Variants in TOM1L1 observed in about 807,000 individuals in gnomAD.
The protein encoded by TOM1L1 is TOM1-like protein 1.
A neutral mutation model predicts 63.4 loss-of-function variants in TOM1L1; 64 were observed. That is an observed-to-expected ratio of 1.01 (90% confidence interval 0.83 to 1.24). The LOEUF (loss-of-function observed/expected upper bound fraction) is 1.24. Among genes scored for constraint, TOM1L1 ranks in the 50% most tolerant of loss-of-function variants. The probability of loss-of-function intolerance (pLI) is 0.00; values close to 1 mark genes in which losing one functional copy is unlikely to be tolerated. For missense variants in TOM1L1, 536 were observed against 567.0 expected (o/e 0.95, Z 0.55); for synonymous variants, 166 against 194.4 (o/e 0.85, Z 1.22).
At chr17:54,921,590 T>G (rs1411265330) in intron 7 of TOM1L1, among the ~76,000 whole-genome samples, 1 of 151,888 alleles carries the variant, frequency 6.6e-6, no homozygotes, top group Non-Finnish European at 1.5e-5. Context: ...AATACAAAAT[T>G]AACCGGACAT....
chr17:54,913,401 C>T (rs1294537196), intron 4 of TOM1L1, among the ~76,000 whole-genome samples: 1 of 152,048 alleles, frequency 6.6e-6, no homozygotes, highest in Non-Finnish European at 1.5e-5. Context: ...TGCGGTGGCT[C>T]ACGCCTGTAA....
At chr17:54,918,744 A>G (rs1322621126) in intron 7 of TOM1L1, among the ~76,000 whole-genome samples, 2 of 152,190 alleles carry the variant, frequency 1.3e-5, no homozygotes, top group African/African-American at 4.8e-5. Flanking sequence ...AGAAAGTGGC[A>G]TCTTTGGTCA....
chr17:54,934,255 C>G lies in TOM1L1; in HGVS notation c.855-2394C>G, dbSNP rs963829557. 3.9e-5 allele frequency among the ~76,000 whole-genome samples: 6 copies of G among 152,280 alleles called. No homozygotes were observed. In the East Asian group the frequency reaches 1.2e-3, roughly 29 times the overall value. ...GGCAAATTGTGGGAGAGGTAGGTAG[C>G]TTTTTATCTTTGTAGCTATATTATT... On this transcript the variant is annotated intron_variant, in intron 8 of 15. Transcript: ENST00000575882.
intron 14 of TOM1L1, chr17:54,953,008 C>G (rs578174614): frequency 7.2e-5 from 11 of 152,302 alleles, no homozygotes; most frequent in African/African-American, 2.4e-4. Context: ...GAGACACACC[C>G]CTTATATACA....
chr17:54,905,014 T>C (rs537945447), intron 2 of TOM1L1, among the ~76,000 whole-genome samples: 30 of 152,364 alleles, frequency 2.0e-4, no homozygotes, highest in Non-Finnish European at 3.5e-4. Flanking sequence ...TGGACCCTTA[T>C]AAACAGTCCT....
intron 7 of TOM1L1, among the ~76,000 whole-genome samples, chr17:54,917,787 T>G (rs1407527532): frequency 9.2e-5 from 14 of 152,242 alleles, no homozygotes; most frequent in Non-Finnish European, 1.3e-4. Flanking sequence ...GCTACTGCTG[T>G]GCTTGATAAT....
At position 54,958,759 on chromosome 17, in the gene TOM1L1, G is replaced by A. The variant is rs547102086; in HGVS notation, c.1371-1807G>A. Among the ~76,000 whole-genome samples, 141 of 146,262 alleles carry A rather than the reference G, an allele frequency of 9.6e-4. No individual in the cohort carries two copies. The Middle Eastern group carries it at 0.011, about 11-fold the overall frequency. ...AAAAAAAAAAAAAAAGGGGTTGTTG[G>A]TAGCTAGAGGATACTAAGGCATTTA... On this transcript the variant is annotated intron_variant, in intron 14 of 15. Coordinates refer to ENST00000575882, the MANE Select transcript of TOM1L1 (RefSeq NM_005486.3).
chr17:54,929,787 A>T lies in TOM1L1; in HGVS notation c.721-286A>T, dbSNP rs117325673. 2.5e-3 allele frequency among the ~76,000 whole-genome samples: 382 copies of T among 150,588 alleles called. 9 individuals are homozygous for T. The highest frequency in any genetic ancestry group is 0.025 in the East Asian group (127 of 5,120). On this transcript the variant is annotated intron_variant, in intron 7 of 15. Coordinates refer to ENST00000575882, the MANE Select transcript of TOM1L1 (RefSeq NM_005486.3). ...ACATGGCACAGCTAATAAGCACTAC[A>T]TTTAGAATTCCCATACAACACTTCT...
chr17:54,954,047 T>C (rs1406832206), intron 14 of TOM1L1: 1 of 152,182 alleles, frequency 6.6e-6, no homozygotes, highest in Admixed American at 6.5e-5. Context: ...ATTCCTATAA[T>C]GATGAAGCCA....
chr17:54,951,953 C>G (rs1033122632), intron 14 of TOM1L1: 1 of 152,104 alleles, frequency 6.6e-6, no homozygotes, highest in African/African-American at 2.4e-5. Flanking sequence ...CTTTAGGGGC[C>G]AGGATCAGAA....
intron 8 of TOM1L1, among the ~76,000 whole-genome samples, chr17:54,934,713 A>ATTTTTTTTTTTTTTTTTT (rs60173487): frequency 6.8e-6 from 1 of 147,416 alleles, no homozygotes. Context: ...AACTAGATGG[A>ATTTTTTTTTTTTTTTTTT]TTTTTTTTTT....
chr17:54,924,647 T>G (rs1435246567), intron 7 of TOM1L1, among the ~76,000 whole-genome samples: 1 of 152,232 alleles, frequency 6.6e-6, no homozygotes, highest in Non-Finnish European at 1.5e-5. Context: ...TGCATGGTCG[T>G]CAGCTGTCTT....
intron 1 of TOM1L1, among the ~76,000 whole-genome samples, chr17:54,901,624 C>T (rs770230558): frequency 5.3e-5 from 8 of 152,100 alleles, no homozygotes; most frequent in Admixed American, 2.0e-4. Flanking sequence ...CAGCTCACTG[C>T]TCCTTCTTTT....
In TOM1L1 at chr17:54,949,589, C is replaced by A; in HGVS notation, c.1254C>A (p.Asn418Lys). ...AAACCATTGCAGCAGCACCATCAAA[C>A]CAGAGTCTGCCACCTTTGCCCAGCA... is the stretch of plus-strand genomic sequence containing the variant. ...SLQTIAAAPS[N>K]QSLPPLPSNH... The change falls in exon 13 of 16, where the codon AAC becomes AAA. Residue 418 changes from asparagine (N) to lysine (K), a missense_variant. Coordinates refer to ENST00000575882, the MANE Select transcript of TOM1L1 (RefSeq NM_005486.3). 6.2e-7 allele frequency: 1 copy of A among 1,613,934 alleles called. No homozygotes were observed. The highest frequency in any genetic ancestry group is 8.5e-7 in the Non-Finnish European group (1 of 1,179,890).
Position 54,915,882 on chromosome 17 carries a change from A to G in TOM1L1, c.720+20A>G. ...CTGCAGGTGTTGTACGATTTCAGGG[A>G]CTATCAGTCAAAGTGTCTCTTAAAG... is the stretch of plus-strand genomic sequence containing the variant. On this transcript the variant is annotated intron_variant, in intron 7 of 15. Coordinates refer to ENST00000575882, the MANE Select transcript of TOM1L1 (RefSeq NM_005486.3). 2.5e-6 allele frequency: 4 copies of G among 1,573,596 alleles called. No homozygotes were observed. The highest frequency in any genetic ancestry group is 3.3e-4 in the Middle Eastern group (2 of 5,978).
chr17:54,951,631 C>A (rs2049242021), intron 14 of TOM1L1, among the ~76,000 whole-genome samples: 1 of 152,178 alleles, frequency 6.6e-6, no homozygotes, highest in African/African-American at 2.4e-5. Flanking sequence ...GAACCTTAGA[C>A]AAAAACCAGT....
chr17:54,939,106 AC>A (rs2048997694), intron 11 of TOM1L1, 86 bp downstream of exon 11: 4 of 923,892 alleles, frequency 4.3e-6, no homozygotes, highest in Non-Finnish European at 6.6e-6. Flanking sequence ...GGGCGCAGTG[AC>A]TTACATCTGT....
At chr17:54,906,391 C>G (rs1039379859) in intron 3 of TOM1L1, among the ~76,000 whole-genome samples, 3 of 151,682 alleles carry the variant, frequency 2.0e-5, no homozygotes, top group African/African-American at 7.3e-5. Flanking sequence ...ATTGCCTGAA[C>G]CTGGGAGGTG....
intron 14 of TOM1L1, chr17:54,957,500 C>A (rs560469770): frequency 6.6e-6 from 1 of 152,172 alleles, no homozygotes; most frequent in South Asian, 2.1e-4. Context: ...TATGTTGATA[C>A]GGCAGTGTCA....
Sources: gnomAD v4.1 joint callset for allele counts (sites outside exome capture counted in the v4.1 genomes callset) on GRCh38, gnomAD v4.1.1 for gene constraint, MANE v1.5 for transcripts, NCBI Gene and HGNC (gene_info 2026-07-23, HGNC 2026-07-21) for gene names.